The following BAG3 variants were observed in gnomAD, a reference collection of about 807,000 sequenced individuals.
The protein encoded by BAG3 is BAG family molecular chaperone regulator 3.
In BAG3, 14 loss-of-function variants were observed where a neutral mutation model predicts 40.5. The ratio of observed to expected loss-of-function variants is 0.35; its 90% CI spans 0.23 to 0.54. BAG3 has a LOEUF of 0.54. Among genes scored for constraint, BAG3 ranks in the 20% least tolerant of loss-of-function variants. The pLI is 0.91. For synonymous variants in BAG3, 302 were observed against 307.8 expected (o/e 0.98, Z 0.20); for missense variants, 788 against 758.6 (o/e 1.04, Z -0.46).
In BAG3 at chr10:119,651,446, T is replaced by C; in HGVS notation, c.-230T>C. ...CAGAAGTTTCTAGCCGGCCAGTTGC[T>C]ACCTCCCTTTATCTCCTCCTTCCCC... is the stretch of plus-strand genomic sequence containing the variant. On this transcript the variant is annotated 5_prime_UTR_variant, in exon 1 of 4. Transcript: ENST00000369085. 2.4e-6 allele frequency: 1 copy of C among 417,616 alleles called. No homozygotes were observed. Among genetic ancestry groups the C allele is most frequent in the African/African-American group, 2.1e-5 (1 of 47,770 alleles). 25.9% of individuals were successfully genotyped at this position (417,616 alleles called of 1,614,324 possible). A position where few individuals can be genotyped will look rare whatever the true frequency, so the allele number is the denominator to read the frequency against.
At chr10:119,662,007 G>A (rs566596817) in intron 1 of BAG3, among the ~76,000 whole-genome samples, 246 of 152,110 alleles carry the variant, frequency 1.6e-3, no homozygotes, top group African/African-American at 5.6e-3. Context: ...AGAGAGCTTC[G>A]GTAGGGTGCT....
intron 3 of BAG3, among the ~76,000 whole-genome samples, chr10:119,674,446 G>C (rs928105782): frequency 2.0e-5 from 3 of 152,158 alleles, no homozygotes; most frequent in Non-Finnish European, 4.4e-5. Context: ...ATTTCATCCT[G>C]TTCTTACCAT....
chr10:119,675,823 T>TTCCCCCTTCCCTCCTTCCTTCCTTCCTG (rs1847217295), intron 3 of BAG3, among the ~76,000 whole-genome samples: 2 of 36,972 alleles, frequency 5.4e-5, no homozygotes. Flanking sequence ...CCTGCTTCCT[T>TTCCCCCTTCCCTCCTTCCTTCCTTCCTG]CCCCCTTCCC....
At chr10:119,665,138 A>ATTTTTTTT (rs1442380822) in intron 1 of BAG3, among the ~76,000 whole-genome samples, 5 of 82,420 alleles carry the variant, frequency 6.1e-5, no homozygotes, top group Non-Finnish European at 9.7e-5. Flanking sequence ...ATATATATAT[A>ATTTTTTTT]TATATATTTT....
At position 119,675,583 on chromosome 10, in the gene BAG3, G is replaced by A. The variant is rs867149436; in HGVS notation, c.910-881G>A. 1.8e-4 allele frequency among the ~76,000 whole-genome samples: 27 copies of A among 152,240 alleles called. No individual in the cohort carries two copies. The East Asian group carries it at 2.1e-3, about 12-fold the overall frequency. On this transcript the variant is annotated intron_variant, in intron 3 of 3. Transcript: ENST00000369085. ...AGAAGATCGTATCTTTTCTAAAACA[G>A]GAGACAAGAAGATCACACCGTGAGC...
chr10:119,675,307 T>C (rs1171334538), intron 3 of BAG3, among the ~76,000 whole-genome samples: 2 of 152,226 alleles, frequency 1.3e-5, no homozygotes, highest in African/African-American at 4.8e-5. Flanking sequence ...CACTCCAGCC[T>C]GGGCAACAGA....
intron 1 of BAG3, among the ~76,000 whole-genome samples, chr10:119,667,804 G>C (rs900026644): frequency 6.6e-6 from 1 of 152,160 alleles, no homozygotes; most frequent in African/African-American, 2.4e-5. Context: ...TGAGGCTTTT[G>C]TGCGTGGCTG....
Position 119,675,119 on chromosome 10 carries a change from C to T in BAG3, c.910-1345C>T, listed in dbSNP as rs1311764999. ...GGCCGAGGTGGGCAGATTGCTTGAGCTTAGAAATTCAAGACCAGCCTGGGC... is the reference window on the plus strand; with the variant it reads ...GGCCGAGGTGGGCAGATTGCTTGAGTTTAGAAATTCAAGACCAGCCTGGGC... On this transcript the variant is annotated intron_variant, in intron 3 of 3. Transcript: ENST00000369085. Among the ~76,000 whole-genome samples the T allele has an allele frequency of 2.0e-5, 3 of 152,150 alleles. No individual in the cohort carries two copies. In the East Asian group the frequency reaches 5.8e-4, roughly 29 times the overall value.
chr10:119,657,974 C>G (rs893661956), intron 1 of BAG3, among the ~76,000 whole-genome samples: 2 of 152,232 alleles, frequency 1.3e-5, no homozygotes, highest in Non-Finnish European at 2.9e-5. Context: ...CAGCTCTGTG[C>G]GTCAGGAGCC....
chr10:119,670,962 G>T (rs1305712188), intron 2 of BAG3, among the ~76,000 whole-genome samples: 2 of 152,116 alleles, frequency 1.3e-5, no homozygotes, highest in Non-Finnish European at 2.9e-5. Context: ...CCTGAGTCAT[G>T]CTTGCCTCTC....
chr10:119,653,307 A>G (rs1253703573), intron 1 of BAG3, among the ~76,000 whole-genome samples: 3 of 152,174 alleles, frequency 2.0e-5, no homozygotes, highest in Non-Finnish European at 4.4e-5. Flanking sequence ...TGAAACTGAC[A>G]CTCATTTCAA....
In BAG3 at chr10:119,676,637, G is replaced by C. The variant is rs1060504722; in HGVS notation, c.1083G>C (p.Lys361Asn). ...VSQKPPPPSE[K>N]VEVKVPPAPV... ...AGAAGCCCCCACCTCCCTCTGAGAA[G>C]GTAGAGGTGAAAGTTCCCCCTGCTC... The change falls in exon 4 of 4, where the codon AAG becomes AAC. Residue 361 changes from lysine (K) to asparagine (N), a missense_variant. Transcript: ENST00000369085. 6.2e-7 allele frequency: 1 copy of C among 1,614,114 alleles called. No individual in the cohort carries two copies. The highest frequency in any genetic ancestry group is 8.5e-7 in the Non-Finnish European group (1 of 1,180,022).
At position 119,651,712 on chromosome 10, in the gene BAG3, G is replaced by C. The variant is rs1479607977; in HGVS notation, c.37G>C (p.Ala13Pro). The stretch of plus-strand genomic sequence containing the variant: ...CACCCACTCGCCCATGATGCAGGTG[G>C]CGTCCGGCAACGGTGACCGCGACCC... ...AATHSPMMQVASGNGDRDPLP... is the reference protein window; with the variant it reads ...AATHSPMMQVPSGNGDRDPLP... Residue 13 changes from alanine to proline, a missense_variant, in exon 1 of 4, where the codon GCG becomes CCG. Transcript: ENST00000369085. 3 of 1,595,052 alleles carry C rather than the reference G, an allele frequency of 1.9e-6. No individual in the cohort carries two copies. The highest frequency in any genetic ancestry group is 4.7e-5 in the East Asian group (2 of 42,992).
chr10:119,664,140 A>G (rs943704178), intron 1 of BAG3, among the ~76,000 whole-genome samples: 1 of 152,192 alleles, frequency 6.6e-6, no homozygotes. Context: ...AAAAACCACT[A>G]GTGCAGTTTA....
chr10:119,670,135 A>G lies in BAG3; in HGVS notation c.465A>G (p.Ala155=), dbSNP rs775151738. The G allele has an allele frequency of 3.5e-5, 57 of 1,612,434 alleles. 1 individual carries two copies. The Middle Eastern group carries it at 9.9e-4, about 28-fold the overall frequency. ...TQPDKQCGQV[A]AAAAAQPPAS... ...CAGATAAACAGTGTGGACAGGTGGCAGCGGCGGCGGCAGCCCAGCCCCCAG... is the reference window on the plus strand; with the variant it reads ...CAGATAAACAGTGTGGACAGGTGGCGGCGGCGGCGGCAGCCCAGCCCCCAG... The change falls in exon 2 of 4, where the codon GCA becomes GCG. Residue 155 remains alanine, a synonymous_variant. Coordinates refer to ENST00000369085, the MANE Select transcript of BAG3 (RefSeq NM_004281.4).
chr10:119,676,351 A>G, intron 3 of BAG3, 113 bp from the exon 4 acceptor site: 1 of 1,134,490 alleles, frequency 8.8e-7, no homozygotes, highest in South Asian at 1.3e-5. Context: ...TATACTATTA[A>G]ACTTTTTTTA....
rs764023919 is a variant in BAG3 at position 119,672,471 on chromosome 10, A to G, written c.724A>G (p.Thr242Ala). ...CCCAGCGCAGCAGGGGGAGTACCAG[A>G]CCCACCAGCCTGTGTACCACAAGAT... ...HYPAQQGEYQTHQPVYHKIQG... is the reference protein window; with the variant it reads ...HYPAQQGEYQAHQPVYHKIQG... The change falls in exon 3 of 4, where the codon ACC becomes GCC. Residue 242 changes from threonine to alanine, a missense_variant. Thr to Ala is a moderately conservative substitution (Grantham distance 58, BLOSUM62 0). Transcript: ENST00000369085. The surrounding 1 kb of genome is among the most constrained non-coding windows in gnomAD (Gnocchi z 4.8). 2.5e-6 allele frequency: 4 copies of G among 1,613,950 alleles called. No homozygotes were observed. Among genetic ancestry groups the G allele is most frequent in the Non-Finnish European group, 3.4e-6 (4 of 1,180,032 alleles).
Position 119,672,200 on chromosome 10 carries a change from C to T in BAG3, c.508-55C>T. On this transcript the variant is annotated intron_variant, in intron 2 of 3. Coordinates refer to ENST00000369085, the MANE Select transcript of BAG3 (RefSeq NM_004281.4). The surrounding 1 kb of genome is among the most constrained non-coding windows in gnomAD (Gnocchi z 4.8). Reference sequence around the variant, plus strand: ...CACAGCAGAAGGCGTGGTCAGGATGCCAAGCCAGGGGAGTCATTTGTGGGG... The same window carrying T: ...CACAGCAGAAGGCGTGGTCAGGATGTCAAGCCAGGGGAGTCATTTGTGGGG... 6.2e-7 allele frequency: 1 copy of T among 1,606,116 alleles called. No homozygotes were observed. Among genetic ancestry groups the T allele is most frequent in the South Asian group, 1.1e-5 (1 of 91,034 alleles).
chr10:119,651,607 C>T lies in BAG3; in HGVS notation c.-69C>T. On this transcript the variant is annotated 5_prime_UTR_variant, in exon 1 of 4. Transcript: ENST00000369085. ...CGGAGAGGGGCCCACGGCGGCGGCC[C>T]GGCCAGAGACTCGGCGCCCGGAGCC... 1.5e-6 allele frequency: 2 copies of T among 1,361,432 alleles called. No individual in the cohort carries two copies. Among genetic ancestry groups the T allele is most frequent in the South Asian group, 1.8e-5 (1 of 57,138 alleles). 84.3% of individuals were successfully genotyped at this position (1,361,432 alleles called of 1,614,324 possible).
Sources: gnomAD v4.1 joint callset for allele counts (sites outside exome capture counted in the v4.1 genomes callset) on GRCh38, gnomAD v4.1.1 for gene constraint, Gnocchi (gnomAD v3.1) non-coding constraint, MANE v1.5 for transcripts, NCBI Gene and HGNC (gene_info 2026-07-23, HGNC 2026-07-21) for gene names.